The following RARB variants were observed in gnomAD, a reference collection of about 807,000 sequenced individuals.
The protein encoded by RARB is HBV-activated protein.
RARB carries 17 observed loss-of-function variants against 51.9 expected under a neutral mutation model. The observed-to-expected ratio is 0.33, with a 90% CI of 0.22 to 0.49. The LOEUF is 0.49. RARB is among the 20% of genes least tolerant of loss of function. The pLI, the probability that RARB is intolerant of heterozygous loss-of-function variation, is 0.99. For synonymous variants in RARB, 215 were observed against 195.4 expected, an observed-to-expected ratio of 1.10 and a Z score of -0.84; for missense variants, 369 against 550.8, an observed-to-expected ratio of 0.67 and a Z score of 3.30.
intron 2 of RARB, among the ~76,000 whole-genome samples, chr3:24,937,628 G>C (rs1331102336): frequency 6.6e-6 from 1 of 152,100 alleles, no homozygotes; most frequent in Non-Finnish European, 1.5e-5. Flanking sequence ...TTTTTCTGTG[G>C]TTTGGCTTAA....
intron 2 of RARB, among the ~76,000 whole-genome samples, chr3:25,011,312 C>T (rs973698308): frequency 3.3e-5 from 5 of 151,854 alleles, no homozygotes; most frequent in South Asian, 2.1e-4. Context: ...CTAAATAGCA[C>T]GTTCAAGGAA....
At chr3:25,057,198 C>T (rs1183603051) in intron 2 of RARB, among the ~76,000 whole-genome samples, 2 of 151,952 alleles carry the variant, frequency 1.3e-5, no homozygotes, top group Non-Finnish European at 2.9e-5. Flanking sequence ...TGCATTGAAC[C>T]CACAAACCAG....
At chr3:25,450,007 C>T (rs979308098) in intron 1 of RARB, among the ~76,000 whole-genome samples, 4 of 152,194 alleles carry the variant, frequency 2.6e-5, no homozygotes, top group Non-Finnish European at 5.9e-5. Context: ...CCGCCACAAC[C>T]TCCCAAGTGC....
At chr3:24,991,318 C>T (rs140053107) in intron 2 of RARB, among the ~76,000 whole-genome samples, 4 of 151,994 alleles carry the variant, frequency 2.6e-5, no homozygotes, top group African/African-American at 4.8e-5. Context: ...TGGTGCATGC[C>T]GGTAGTCCCA....
chr3:25,356,717 A>C (rs562584469), intron 5 of RARB, among the ~76,000 whole-genome samples: 3 of 151,944 alleles, frequency 2.0e-5, no homozygotes, highest in Admixed American at 1.3e-4. Flanking sequence ...CCCTGGGCCC[A>C]TATGTTCTCA....
intron 3 of RARB, among the ~76,000 whole-genome samples, chr3:25,561,345 C>T (rs757650847): frequency 6.6e-6 from 1 of 152,204 alleles, no homozygotes; most frequent in Non-Finnish European, 1.5e-5. Flanking sequence ...GCACGTGTTA[C>T]TGTTGCATAA....
At chr3:25,171,884 T>A (rs1441955973) in intron 4 of RARB, among the ~76,000 whole-genome samples, 1 of 151,924 alleles carries the variant, frequency 6.6e-6, no homozygotes, top group African/African-American at 2.4e-5. Context: ...ATAAAACTAT[T>A]GAATATATTG....
chr3:24,889,925 A>G (rs1409513237), intron 2 of RARB, among the ~76,000 whole-genome samples: 8 of 151,582 alleles, frequency 5.3e-5, no homozygotes, highest in Non-Finnish European at 8.8e-5. Flanking sequence ...AAAAAAAAAG[A>G]AAAAGACTCA....
intron 5 of RARB, among the ~76,000 whole-genome samples, chr3:25,586,730 C>A (rs899142415): frequency 6.6e-6 from 1 of 152,168 alleles, no homozygotes; most frequent in Non-Finnish European, 1.5e-5. Flanking sequence ...AGCTGTATAG[C>A]CATGGAGGGC....
At chr3:25,494,259 A>G (rs1383340967) in intron 2 of RARB, among the ~76,000 whole-genome samples, 2 of 147,414 alleles carry the variant, frequency 1.4e-5, no homozygotes, top group Non-Finnish European at 3.0e-5. Flanking sequence ...TTACGCACAC[A>G]CACACACACA....
intron 2 of RARB, among the ~76,000 whole-genome samples, chr3:24,965,382 T>C (rs1411710786): frequency 6.6e-6 from 1 of 152,220 alleles, no homozygotes; most frequent in Non-Finnish European, 1.5e-5. Flanking sequence ...GGAAGGCTGA[T>C]GACTGTCTCT....
intron 3 of RARB, among the ~76,000 whole-genome samples, chr3:25,521,723 C>G (rs948218895): frequency 6.6e-6 from 1 of 152,176 alleles, no homozygotes; most frequent in Non-Finnish European, 1.5e-5. Flanking sequence ...CACTTAACCT[C>G]TCTGGGTAGT....
At chr3:25,216,556 G>C (rs1414767914) in intron 5 of RARB, among the ~76,000 whole-genome samples, 1 of 151,792 alleles carries the variant, frequency 6.6e-6, no homozygotes, top group African/African-American at 2.4e-5. Context: ...AGACACAAAG[G>C]GGAACAACAC....
At chr3:25,257,369 A>T (rs1034269422) in intron 5 of RARB, among the ~76,000 whole-genome samples, 3 of 152,098 alleles carry the variant, frequency 2.0e-5, no homozygotes, top group Non-Finnish European at 4.4e-5. Context: ...AAAAACACGT[A>T]TGAACAGGGC....
At chr3:24,886,649 T>A (rs921923305) in intron 2 of RARB, among the ~76,000 whole-genome samples, 1 of 152,008 alleles carries the variant, frequency 6.6e-6, no homozygotes, top group Non-Finnish European at 1.5e-5. Context: ...GTTATGTTGC[T>A]CAGGCTGGTC....
chr3:24,830,777 C>T (rs1342944425), intron 1 of RARB, among the ~76,000 whole-genome samples: 1 of 151,344 alleles, frequency 6.6e-6, no homozygotes, highest in Non-Finnish European at 1.5e-5. Context: ...GGGAGAAAGA[C>T]AGGTGAGGCG....
intron 4 of RARB, among the ~76,000 whole-genome samples, chr3:25,161,724 TACTC>T (rs1417806613): frequency 1.3e-5 from 2 of 152,364 alleles, no homozygotes; most frequent in African/African-American, 2.4e-5. Flanking sequence ...GTGTGTATCT[TACTC>T]ACTTCTTTTT....
At chr3:24,872,035 C>T (rs1010973766) in intron 2 of RARB, among the ~76,000 whole-genome samples, 1 of 152,098 alleles carries the variant, frequency 6.6e-6, no homozygotes, top group Admixed American at 6.6e-5. Flanking sequence ...TCAATATAAC[C>T]TTTTAGTGTT....
At chr3:25,484,676 G>A (rs1696379043) in intron 2 of RARB, among the ~76,000 whole-genome samples, 1 of 151,954 alleles carries the variant, frequency 6.6e-6, no homozygotes, top group Non-Finnish European at 1.5e-5. Flanking sequence ...TTTCTGTATT[G>A]TCTATGATTG....
Sources: gnomAD v4.1 joint callset for allele counts (sites outside exome capture counted in the v4.1 genomes callset) on GRCh38, gnomAD v4.1.1 for gene constraint, MANE v1.5 for transcripts, NCBI Gene and HGNC (gene_info 2026-07-23, HGNC 2026-07-21) for gene names.